Variants in PNPLA7 observed in about 807,000 individuals in gnomAD.
PNPLA7 encodes patatin-like phospholipase domain-containing protein 7.
PNPLA7 carries 153 observed loss-of-function variants against 161.7 expected under a neutral mutation model. The observed-to-expected ratio is 0.95, with a 90% CI of 0.83 to 1.08. PNPLA7 has a LOEUF of 1.08. Ranked by LOEUF, PNPLA7 falls within the 50% of genes least tolerant of loss-of-function variation. PNPLA7 has a pLI of 0.00. For missense variants in PNPLA7, 1,739 were observed against 1,856.6 expected, an observed-to-expected ratio of 0.94 and a Z score of 1.16; for synonymous variants, 809 against 782.1, an observed-to-expected ratio of 1.03 and a Z score of -0.57.
intron 30 of PNPLA7, 62 bp from the exon 31 acceptor site, chr9:137,462,393 C>T (rs1465215677): frequency 3.2e-6 from 5 of 1,538,550 alleles, no homozygotes; most frequent in South Asian, 1.3e-5. Flanking sequence ...CAGCCTGGCC[C>T]GTGGCGCAGG....
chr9:137,549,364 G>A (rs991963944), intron 1 of PNPLA7, among the ~76,000 whole-genome samples: 1 of 151,922 alleles, frequency 6.6e-6, no homozygotes, highest in Non-Finnish European at 1.5e-5. Flanking sequence ...TCAGGAAATC[G>A]AGACCATCCT....
chr9:137,467,244 G>A lies in PNPLA7; in HGVS notation c.3039+73C>T, dbSNP rs112674077. 2.9e-3 allele frequency: 4,332 copies of A among 1,510,262 alleles called. 69 individuals are homozygous for A. The African/African-American group carries it at 0.039, about 14-fold the overall frequency. The allele number at this position is 1,510,262 out of a possible 1,614,324, so 93.6% of individuals were successfully genotyped here. A position where few individuals can be genotyped will look rare whatever the true frequency, so the allele number is the denominator to read the frequency against. On this transcript the variant is annotated intron_variant, in intron 26 of 34. Transcript: ENST00000406427. This position sits in a 1 kb window ranked among gnomAD's most constrained non-coding sequence, Gnocchi z 5.1. ...TGCAGAGCCACATGCAGAGGCCAAC[G>A]GCCCCAGCGTCCCCCAGCACCAGCA... is the stretch of plus-strand genomic sequence containing the variant.
chr9:137,508,460 C>T (rs1021902537), intron 12 of PNPLA7, among the ~76,000 whole-genome samples: 1 of 151,698 alleles, frequency 6.6e-6, no homozygotes, highest in African/African-American at 2.4e-5. Flanking sequence ...AACAGCTACT[C>T]GGCGGCTGAG....
chr9:137,507,968 G>GCCT (rs1834009057), intron 12 of PNPLA7, among the ~76,000 whole-genome samples: 2 of 152,144 alleles, frequency 1.3e-5, no homozygotes, highest in Non-Finnish European at 2.9e-5. Context: ...CAAGGTGGAG[G>GCCT]CAGCGCTTGA....
intron 1 of PNPLA7, among the ~76,000 whole-genome samples, chr9:137,548,338 C>A (rs1414213273): frequency 6.6e-6 from 1 of 152,186 alleles, no homozygotes; most frequent in Non-Finnish European, 1.5e-5. Flanking sequence ...AGCCAGGAAC[C>A]GGATAGGGCA....
intron 25 of PNPLA7, among the ~76,000 whole-genome samples, chr9:137,469,583 G>T (rs569695480): frequency 1.3e-5 from 2 of 152,312 alleles, no homozygotes; most frequent in Admixed American, 1.3e-4. Context: ...GAGTGGTTGT[G>T]AGAGAGTATA....
At position 137,500,805 on chromosome 9, in the gene PNPLA7, C is replaced by A. The variant is rs778567963; in HGVS notation, c.1643G>T (p.Arg548Leu). 28 of 1,609,042 alleles carry A rather than the reference C, an allele frequency of 1.7e-5. No individual in the cohort carries two copies. The highest frequency in any genetic ancestry group is 2.1e-5 in the Non-Finnish European group (25 of 1,178,804). The change falls in exon 16 of 35, where the codon CGC (arginine) becomes CTC (leucine). Residue 548 changes from arginine to leucine, a missense_variant. By Grantham distance (102) the Arg-to-Leu change is moderately radical (BLOSUM62 -2). Coordinates refer to ENST00000406427, the MANE Select transcript of PNPLA7 (RefSeq NM_001098537.3). The surrounding 1 kb of genome is among the most constrained non-coding windows in gnomAD (Gnocchi z 5.5). Reference protein sequence around the residue: ...SQEDTCLFLTRPGEMVGQLAV... With the variant: ...SQEDTCLFLTLPGEMVGQLAV... Reference sequence around the variant, plus strand: ...CAGCTGGCCCACCATCTCCCCGGGGCGCGTGAGGAACAAGCAGGTGTCCTC... The same window carrying A: ...CAGCTGGCCCACCATCTCCCCGGGGAGCGTGAGGAACAAGCAGGTGTCCTC...
intron 30 of PNPLA7, 86 bp downstream of exon 30, chr9:137,462,599 C>T (rs919557621): frequency 3.3e-5 from 51 of 1,525,030 alleles, no homozygotes; most frequent in Non-Finnish European, 4.3e-5. Flanking sequence ...AGCCCAGGAG[C>T]GACCCCCACT....
chr9:137,512,236 C>T (rs1231922974), intron 12 of PNPLA7, among the ~76,000 whole-genome samples: 1 of 152,288 alleles, frequency 6.6e-6, no homozygotes, highest in Non-Finnish European at 1.5e-5. Flanking sequence ...TGTGTACACG[C>T]TCGTGCAGTG....
intron 1 of PNPLA7, among the ~76,000 whole-genome samples, chr9:137,548,480 T>C (rs1836665027): frequency 6.6e-6 from 1 of 152,262 alleles, no homozygotes; most frequent in Non-Finnish European, 1.5e-5. Context: ...CCGGGCGCAG[T>C]GGCTCACGCC....
intron 8 of PNPLA7, among the ~76,000 whole-genome samples, chr9:137,533,489 C>A (rs895945488): frequency 6.9e-6 from 1 of 144,076 alleles, no homozygotes; most frequent in Non-Finnish European, 1.5e-5. Flanking sequence ...ACACTCCAGG[C>A]GGGAGGACTC....
intron 18 of PNPLA7, among the ~76,000 whole-genome samples, chr9:137,495,545 G>A (rs1343401729): frequency 1.3e-5 from 2 of 151,892 alleles, no homozygotes; most frequent in Admixed American, 6.6e-5. Flanking sequence ...CTGGGTTCAC[G>A]CCATTCTCCT....
intron 25 of PNPLA7, among the ~76,000 whole-genome samples, chr9:137,475,044 A>G (rs1361291803): frequency 3.3e-5 from 5 of 149,466 alleles, no homozygotes; most frequent in African/African-American, 1.2e-4. Context: ...AAGCTCCAGG[A>G]AGAGAGAACA....
chr9:137,541,256 C>T lies in PNPLA7; in HGVS notation c.667-534G>A, dbSNP rs1238603442. Among the ~76,000 whole-genome samples the T allele has an allele frequency of 2.0e-5, 3 of 152,180 alleles. No individual in the cohort carries two copies. Among genetic ancestry groups the T allele is most frequent in the Admixed American group, 6.5e-5 (1 of 15,274 alleles). Reference sequence around the variant, plus strand: ...ATCTAGTCCAAAGGCCAGAGGGACACGGGTTCTGGTCCTTCAGGAGGGCCC... The same window carrying T: ...ATCTAGTCCAAAGGCCAGAGGGACATGGGTTCTGGTCCTTCAGGAGGGCCC... On this transcript the variant is annotated intron_variant, in intron 7 of 34. Transcript: ENST00000406427. The surrounding 1 kb of genome is among the most constrained non-coding windows in gnomAD (Gnocchi z 4.4).
In PNPLA7 at chr9:137,479,153, C is replaced by T. The variant is rs773323384; in HGVS notation, c.2666G>A (p.Arg889His). Reference sequence around the variant, plus strand: ...CCGCATGTTGAGCCACTCCACGGTGCGCGCTGGCGCCGGGCCCTCCTCCCT... The same window carrying T: ...CCGCATGTTGAGCCACTCCACGGTGTGCGCTGGCGCCGGGCCCTCCTCCCT... ...LHREEGPAPA[R>H]TVEWLNMRSW... The change falls in exon 24 of 35, where the codon CGC (arginine) becomes CAC (histidine). Residue 889 changes from arginine to histidine, a missense_variant. Arg to His is a conservative substitution (Grantham distance 29). This residue lies in a region of PNPLA7 where 703 missense variants were observed against 694.6 expected (regional missense o/e 1.01). Transcript: ENST00000406427. The T allele has an allele frequency of 3.7e-5, 59 of 1,578,982 alleles. No individual in the cohort carries two copies. The highest frequency in any genetic ancestry group is 4.6e-5 in the Non-Finnish European group (53 of 1,163,752).
At position 137,547,786 on chromosome 9, in the gene PNPLA7, G is replaced by A; in HGVS notation, c.31-127C>T. On this transcript the variant is annotated intron_variant, in intron 1 of 34. Transcript: ENST00000406427. This position sits in a 1 kb window ranked among gnomAD's most constrained non-coding sequence, Gnocchi z 4.6. ...CAGCCCTGGAGACTTCTGGGAAGAA[G>A]TGATCTCGCCCGGGGTGCCGGGGTC... 1.1e-6 allele frequency: 1 copy of A among 913,292 alleles called. No homozygotes were observed. The highest frequency in any genetic ancestry group is 2.5e-5 in the East Asian group (1 of 40,566). The allele number at this position is 913,292 out of a possible 1,614,324, so 56.6% of individuals were successfully genotyped here.
At position 137,547,401 on chromosome 9, in the gene PNPLA7, C is replaced by T; in HGVS notation, c.106-5G>A. ...TCCAACTGCAATCCCCGTCAGCTGG[C>T]CGAGAGTGGAAACACGGCGCCCATC... On this transcript the variant is annotated splice_region_variant and splice_polypyrimidine_tract_variant and intron_variant, in intron 2 of 34. Coordinates refer to ENST00000406427, the MANE Select transcript of PNPLA7 (RefSeq NM_001098537.3). The surrounding 1 kb of genome is among the most constrained non-coding windows in gnomAD (Gnocchi z 4.6). 1 of 1,613,346 alleles carries T rather than the reference C, an allele frequency of 6.2e-7. No homozygotes were observed. The highest frequency in any genetic ancestry group is 1.1e-5 in the South Asian group (1 of 91,086).
Position 137,505,888 on chromosome 9 carries a change from C to G in PNPLA7, c.1326+95G>C, listed in dbSNP as rs955121432. Reference sequence around the variant, plus strand: ...GAGCCTCCTGAAGCTGCAGGTGCCACATGACACCAAAGCCGGCGGCGCCCC... The same window carrying G: ...GAGCCTCCTGAAGCTGCAGGTGCCAGATGACACCAAAGCCGGCGGCGCCCC... On this transcript the variant is annotated intron_variant, in intron 13 of 34. Transcript: ENST00000406427. 1.0e-5 allele frequency: 16 copies of G among 1,528,414 alleles called. No homozygotes were observed. The Admixed American group carries it at 1.9e-4, about 18-fold the overall frequency. 94.7% of individuals were successfully genotyped at this position (1,528,414 alleles called of 1,614,324 possible).
At chr9:137,496,276 T>G (rs1833054409) in intron 18 of PNPLA7, among the ~76,000 whole-genome samples, 1 of 151,460 alleles carries the variant, frequency 6.6e-6, no homozygotes, top group Non-Finnish European at 1.5e-5. Context: ...CCCAGCTAAT[T>G]TTGTATTTTT....
Sources: gnomAD v4.1 joint callset for allele counts (sites outside exome capture counted in the v4.1 genomes callset) on GRCh38, gnomAD v4.1.1 for gene constraint, gnomAD v4.1.1 regional missense constraint, Gnocchi (gnomAD v3.1) non-coding constraint, MANE v1.5 for transcripts, NCBI Gene and HGNC (gene_info 2026-07-23, HGNC 2026-07-21) for gene names.